ATRNL1: variants seen among roughly 807,000 people sequenced by gnomAD.
ATRNL1 encodes attractin-like protein 1.
In ATRNL1, 95 loss-of-function variants were observed where a neutral mutation model predicts 182.7. The ratio of observed to expected loss-of-function variants is 0.52; its 90% CI spans 0.44 to 0.62. ATRNL1 has a LOEUF of 0.62. ATRNL1 is among the 20% of genes least tolerant of loss of function. The pLI is 0.00. For synonymous variants in ATRNL1, 576 were observed against 568.3 expected, an observed-to-expected ratio of 1.01 and a Z score of -0.19; for missense variants, 1,471 against 1,679.5, an observed-to-expected ratio of 0.88 and a Z score of 2.17.
chr10:115,187,940 A>G (rs1390226104), intron 8 of ATRNL1, among the ~76,000 whole-genome samples: 1 of 151,770 alleles, frequency 6.6e-6, no homozygotes, highest in Non-Finnish European at 1.5e-5. Flanking sequence ...TCGGTCTCCC[A>G]AAGTGCTGGG....
intron 27 of ATRNL1, among the ~76,000 whole-genome samples, chr10:115,732,719 A>C (rs1947835868): frequency 6.6e-6 from 1 of 152,170 alleles, no homozygotes; most frequent in African/African-American, 2.4e-5. Context: ...TATTGGCCTA[A>C]GGGTTTCTTT....
In ATRNL1 at chr10:115,621,210, A is replaced by G. The variant is rs187117170; in HGVS notation, c.3795+71674A>G. On this transcript the variant is annotated intron_variant, in intron 26 of 28. Coordinates refer to ENST00000355044, the MANE Select transcript of ATRNL1 (RefSeq NM_207303.4). ...AAGCCTGTACATGTAAATCTTATAG[A>G]TGCAGTTTCCTTATAGAGTTCAAAT... Among the ~76,000 whole-genome samples, 756 of 147,330 alleles carry G rather than the reference A, an allele frequency of 5.1e-3. 2 individuals carry two copies. Among genetic ancestry groups the G allele is most frequent in the Non-Finnish European group, 6.7e-3 (453 of 67,250 alleles).
intron 27 of ATRNL1, among the ~76,000 whole-genome samples, chr10:115,808,417 C>A (rs1256118456): frequency 2.0e-5 from 3 of 152,104 alleles, no homozygotes; most frequent in Non-Finnish European, 4.4e-5. Context: ...ATAATTCGTT[C>A]ATTCATCAGT....
chr10:115,845,411 C>T (rs1950904439), intron 27 of ATRNL1, among the ~76,000 whole-genome samples: 1 of 151,994 alleles, frequency 6.6e-6, no homozygotes, highest in South Asian at 2.1e-4. Context: ...CTCCACTGTC[C>T]TTATTTGTTG....
chr10:115,627,717 T>C (rs538028457), intron 26 of ATRNL1, among the ~76,000 whole-genome samples: 52 of 152,268 alleles, frequency 3.4e-4, no homozygotes, highest in African/African-American at 1.2e-3. Flanking sequence ...TTGATTGATA[T>C]TTGGGCTGTT....
chr10:115,269,537 T>C (rs1851751537), intron 13 of ATRNL1, among the ~76,000 whole-genome samples: 1 of 152,062 alleles, frequency 6.6e-6, no homozygotes, highest in Admixed American at 6.6e-5. Context: ...TTTCACCATG[T>C]TGGCCAGGCT....
chr10:115,377,149 T>C (rs1168722286), intron 19 of ATRNL1, among the ~76,000 whole-genome samples: 2 of 152,354 alleles, frequency 1.3e-5, no homozygotes, highest in East Asian at 1.9e-4. Context: ...ATGGTTTGGC[T>C]GTGTCCCTAC....
intron 28 of ATRNL1, among the ~76,000 whole-genome samples, chr10:115,881,825 T>C (rs10885824): frequency 0.37 from 55,612 of 152,050 alleles, 10,501 homozygotes; most frequent in South Asian, 0.46. Flanking sequence ...TCACCTGCCC[T>C]GCATTACACT....
chr10:115,803,894 C>A (rs562411321), intron 27 of ATRNL1, among the ~76,000 whole-genome samples: 7 of 152,030 alleles, frequency 4.6e-5, no homozygotes, highest in African/African-American at 1.7e-4. Flanking sequence ...CTGGCCAATA[C>A]GCATAAAGAT....
At chr10:115,212,060 C>T (rs1157942810) in intron 8 of ATRNL1, among the ~76,000 whole-genome samples, 2 of 151,246 alleles carry the variant, frequency 1.3e-5, no homozygotes, top group East Asian at 3.9e-4. Flanking sequence ...GGGGGTGAAT[C>T]TCAATGCAGG....
intron 8 of ATRNL1, among the ~76,000 whole-genome samples, chr10:115,209,417 A>AT (rs1280014502): frequency 1.4e-4 from 17 of 118,544 alleles, no homozygotes; most frequent in African/African-American, 5.1e-4. Flanking sequence ...AGCATTTTTT[A>AT]TTTTGTTTTT....
At chr10:115,803,567 A>G (rs555211055) in intron 27 of ATRNL1, among the ~76,000 whole-genome samples, 1 of 151,216 alleles carries the variant, frequency 6.6e-6, no homozygotes, top group Non-Finnish European at 1.5e-5. Flanking sequence ...ATTCTTGCAT[A>G]ATTTTTGTTT....
chr10:115,394,247 C>T (rs1252757522), intron 19 of ATRNL1, among the ~76,000 whole-genome samples: 2 of 151,978 alleles, frequency 1.3e-5, no homozygotes, highest in African/African-American at 4.8e-5. Context: ...AGAAATTAAG[C>T]ATAAACAGGT....
intron 15 of ATRNL1, among the ~76,000 whole-genome samples, chr10:115,296,078 G>T (rs782510533): frequency 6.6e-6 from 1 of 152,154 alleles, no homozygotes; most frequent in Non-Finnish European, 1.5e-5. Context: ...TGGGCTCAGA[G>T]CTTGTAAGGA....
At position 115,878,107 on chromosome 10, in the gene ATRNL1, A is replaced by C. The variant is rs374869270; in HGVS notation, c.4018+30116A>C. Among the ~76,000 whole-genome samples, 19 of 152,334 alleles carry C rather than the reference A, an allele frequency of 1.2e-4. No individual in the cohort carries two copies. In the East Asian group the frequency reaches 2.9e-3, roughly 23 times the overall value. On this transcript the variant is annotated intron_variant, in intron 28 of 28. Coordinates refer to ENST00000355044, the MANE Select transcript of ATRNL1 (RefSeq NM_207303.4). ...TCAGCGCTCCTCTGTAGGGCTCTGCAGATCTAGTTTGAAGATTGCTTTACA... is the reference window on the plus strand; with the variant it reads ...TCAGCGCTCCTCTGTAGGGCTCTGCCGATCTAGTTTGAAGATTGCTTTACA...
rs1848197953 is a variant in ATRNL1, at chr10:115,469,261, T to C, written c.3586T>C (p.Phe1196Leu). ...TAGTTTTTCCTATGAAAAATTTAAC[T>C]TTAGAAGCAATCCTAACATTACATT... is the stretch of plus-strand genomic sequence containing the variant. The part of the protein sequence containing the change: ...RDSFSYEKFN[F>L]RSNPNITFYV... The change falls in exon 24 of 29, where the codon TTT (phenylalanine) becomes CTT (leucine). Residue 1196 changes from phenylalanine (F) to leucine (L), a missense_variant. Physicochemically the swap from Phe to Leu is conservative, Grantham distance 22 (BLOSUM62 0). Coordinates refer to ENST00000355044, the MANE Select transcript of ATRNL1 (RefSeq NM_207303.4). 6.6e-7 allele frequency: 1 copy of C among 1,526,252 alleles called. No individual in the cohort carries two copies. Among genetic ancestry groups the C allele is most frequent in the Non-Finnish European group, 8.8e-7 (1 of 1,136,356 alleles). The allele number at this position is 1,526,252 out of a possible 1,614,324, so 94.5% of individuals were successfully genotyped here. A position where few individuals can be genotyped will look rare whatever the true frequency, so the allele number is the denominator to read the frequency against.
At chr10:115,196,912 T>G (rs904785451) in intron 8 of ATRNL1, among the ~76,000 whole-genome samples, 3 of 152,150 alleles carry the variant, frequency 2.0e-5, no homozygotes, top group Admixed American at 1.3e-4. Context: ...TTGTCTTGTA[T>G]TTTTAGGATC....
intron 27 of ATRNL1, among the ~76,000 whole-genome samples, chr10:115,736,373 A>G (rs1024592128): frequency 6.6e-6 from 1 of 151,972 alleles, no homozygotes; most frequent in Non-Finnish European, 1.5e-5. Context: ...ATATTTTATT[A>G]TTTATTTATT....
At chr10:115,119,715 G>A (rs1844644633) in intron 1 of ATRNL1, among the ~76,000 whole-genome samples, 1 of 152,024 alleles carries the variant, frequency 6.6e-6, no homozygotes, top group African/African-American at 2.4e-5. Flanking sequence ...ACTCTTTCAA[G>A]TTTGGTGACA....
Sources: allele counts gnomAD v4.1 joint callset (sites outside exome capture counted in the v4.1 genomes callset), GRCh38; gene constraint gnomAD v4.1.1; transcripts MANE v1.5; gene names NCBI Gene and HGNC (gene_info 2026-07-23, HGNC 2026-07-21).